The following AGAP1 variants were observed in gnomAD, a reference collection of about 807,000 sequenced individuals.
The protein encoded by AGAP1 is arf-GAP with GTPase, ANK repeat and PH domain-containing protein 1.
AGAP1 carries 29 observed loss-of-function variants against 105.3 expected under a neutral mutation model. That is an observed-to-expected ratio of 0.28 (90% confidence interval 0.21 to 0.38). The LOEUF (loss-of-function observed/expected upper bound fraction) is 0.38, where lower values mean the gene tolerates loss of function less well. AGAP1 is among the 10% of genes least tolerant of loss of function. The probability of loss-of-function intolerance (pLI) is 1.00; values close to 1 mark genes in which losing one functional copy is unlikely to be tolerated. For missense variants in AGAP1, 998 were observed against 1,165.1 expected (o/e 0.86, Z 2.09); for synonymous variants, 509 against 485.9 (o/e 1.05, Z -0.63).
At position 236,125,217 on chromosome 2, in the gene AGAP1, G is replaced by C. The variant is rs1317659360; in HGVS notation, c.*1095G>C. 2 of 156,112 alleles carry C rather than the reference G, an allele frequency of 1.3e-5. No homozygotes were observed. Among genetic ancestry groups the C allele is most frequent in the African/African-American group, 2.4e-5 (1 of 41,436 alleles). The allele number at this position is 156,112 out of a possible 1,614,324, so 9.7% of individuals were successfully genotyped here. A position where few individuals can be genotyped will look rare whatever the true frequency, so the allele number is the denominator to read the frequency against. On this transcript the variant is annotated 3_prime_UTR_variant, in exon 18 of 18. Transcript: ENST00000304032. The surrounding 1 kb of genome is among the most constrained non-coding windows in gnomAD (Gnocchi z 5.2). Reference sequence around the variant, plus strand: ...TGTGTTATGTATTTAGATAAGATGTGTGAAAATATATTTGAATAAAAGAAG... The same window carrying C: ...TGTGTTATGTATTTAGATAAGATGTCTGAAAATATATTTGAATAAAAGAAG...
rs2055669058 is a variant in AGAP1 at position 235,993,674 on chromosome 2, C to A, written c.1645+25051C>A. On this transcript the variant is annotated intron_variant, in intron 13 of 17. Transcript: ENST00000304032. The surrounding 1 kb of genome is among the most constrained non-coding windows in gnomAD (Gnocchi z 5.0). ...CTGTTGGAGTTTTTGCTGCCCAATA[C>A]CAAATTAAGGGCTCTGAGGAACGCT... is the stretch of plus-strand genomic sequence containing the variant. Among the ~76,000 whole-genome samples, 1 of 152,132 alleles carries A rather than the reference C, an allele frequency of 6.6e-6. No individual in the cohort carries two copies. Among genetic ancestry groups the A allele is most frequent in the Non-Finnish European group, 1.5e-5 (1 of 68,022 alleles).
intron 16 of AGAP1, among the ~76,000 whole-genome samples, chr2:236,106,445 G>A (rs188311145): frequency 5.3e-5 from 8 of 152,366 alleles, no homozygotes; most frequent in East Asian, 3.9e-4. Context: ...TGTGCCACCC[G>A]GGCTGTCGTG....
intron 9 of AGAP1, among the ~76,000 whole-genome samples, chr2:235,876,860 T>G (rs1469371914): frequency 6.6e-6 from 1 of 151,514 alleles, no homozygotes; most frequent in Non-Finnish European, 1.5e-5. Context: ...TTTTTTTTTT[T>G]TTTTGAGACA....
At position 235,691,844 on chromosome 2, in the gene AGAP1, G is replaced by A. The variant is rs1190642888; in HGVS notation, c.164-17335G>A. Among the ~76,000 whole-genome samples, 1 of 152,180 alleles carries A rather than the reference G, an allele frequency of 6.6e-6. No homozygotes were observed. The highest frequency in any genetic ancestry group is 2.4e-5 in the African/African-American group (1 of 41,442). On this transcript the variant is annotated intron_variant, in intron 1 of 17. Transcript: ENST00000304032. The surrounding 1 kb of genome is among the most constrained non-coding windows in gnomAD (Gnocchi z 4.4). ...AAGTACTGGATAGGGATGAGCTTGGGGACAATGGCCAGTGACATCCAGGAG... is the reference window on the plus strand; with the variant it reads ...AAGTACTGGATAGGGATGAGCTTGGAGACAATGGCCAGTGACATCCAGGAG...
At chr2:235,618,297 GT>G (rs1404432501) in intron 1 of AGAP1, among the ~76,000 whole-genome samples, 1 of 152,122 alleles carries the variant, frequency 6.6e-6, no homozygotes, top group Non-Finnish European at 1.5e-5. Context: ...ATTCCAGTAG[GT>G]TTTTGTAGGT....
intron 1 of AGAP1, among the ~76,000 whole-genome samples, chr2:235,680,074 T>G (rs573943608): frequency 2.0e-5 from 3 of 152,378 alleles, no homozygotes. Context: ...AGATAGTGGT[T>G]GAGCTAGCAA....
rs1039671731 is a variant in AGAP1 at position 235,620,148 on chromosome 2, A to T, written c.164-89031A>T. Among the ~76,000 whole-genome samples the T allele has an allele frequency of 2.0e-5, 3 of 152,156 alleles. No homozygotes were observed. On this transcript the variant is annotated intron_variant, in intron 1 of 17. Transcript: ENST00000304032. This position sits in a 1 kb window ranked among gnomAD's most constrained non-coding sequence, Gnocchi z 4.5. Reference sequence around the variant, plus strand: ...GTCATTCTTCTCCTGCCGGGCATGGATGCTGACAATAGAACTACTTTCCAG... The same window carrying T: ...GTCATTCTTCTCCTGCCGGGCATGGTTGCTGACAATAGAACTACTTTCCAG...
rs946636406 is a variant in AGAP1 at position 235,559,694 on chromosome 2, C to T, written c.163+64845C>T. ...TTTTGGTGGGTATGATGTGGTATCT[C>T]AACTGTGGTTTTGATTTGCATTTCC... On this transcript the variant is annotated intron_variant, in intron 1 of 17. Coordinates refer to ENST00000304032, the MANE Select transcript of AGAP1 (RefSeq NM_001037131.3). This position sits in a 1 kb window ranked among gnomAD's most constrained non-coding sequence, Gnocchi z 5.7. Among the ~76,000 whole-genome samples, 5 of 151,672 alleles carry T rather than the reference C, an allele frequency of 3.3e-5. No homozygotes were observed. Among genetic ancestry groups the T allele is most frequent in the African/African-American group, 1.2e-4 (5 of 41,296 alleles).
At chr2:236,006,934 T>C (rs1317713420) in intron 13 of AGAP1, among the ~76,000 whole-genome samples, 2 of 152,206 alleles carry the variant, frequency 1.3e-5, no homozygotes, top group African/African-American at 4.8e-5. Context: ...TTTTATTCCG[T>C]TGTTGTGTTA....
Position 235,905,600 on chromosome 2 carries a change from A to G in AGAP1, c.1156-3138A>G, listed in dbSNP as rs1349710090. The stretch of plus-strand genomic sequence containing the variant: ...CTGCAATCTCTGTCTCCCAGGTTCA[A>G]GCGATTCTCCTGCCTTAGCCTCCCA... On this transcript the variant is annotated intron_variant, in intron 10 of 17. Coordinates refer to ENST00000304032, the MANE Select transcript of AGAP1 (RefSeq NM_001037131.3). This position sits in a 1 kb window ranked among gnomAD's most constrained non-coding sequence, Gnocchi z 4.2. 2.6e-5 allele frequency among the ~76,000 whole-genome samples: 4 copies of G among 152,102 alleles called. No individual in the cohort carries two copies. Among genetic ancestry groups the G allele is most frequent in the African/African-American group, 9.7e-5 (4 of 41,412 alleles).
At chr2:235,506,994 C>T (rs1049657095) in intron 1 of AGAP1, 1 of 153,118 alleles carries the variant, frequency 6.5e-6, no homozygotes, top group Non-Finnish European at 1.5e-5. Flanking sequence ...CTTGCTGAGT[C>T]TTTCTCCCTG....
At chr2:235,749,051 T>C (rs1953204335) in intron 5 of AGAP1, among the ~76,000 whole-genome samples, 1 of 151,880 alleles carries the variant, frequency 6.6e-6, no homozygotes, top group Admixed American at 6.6e-5. Flanking sequence ...CGACTAAAAA[T>C]ACAAAAAATT....
At chr2:236,024,026 T>TG (rs1471888652) in intron 13 of AGAP1, among the ~76,000 whole-genome samples, 3 of 106,058 alleles carry the variant, frequency 2.8e-5, no homozygotes, top group African/African-American at 1.8e-4. Context: ...TGGTTGTTTT[T>TG]TTTTTTTGTT....
chr2:235,919,192 C>A lies in AGAP1; in HGVS notation c.1324+10286C>A, dbSNP rs946031136. On this transcript the variant is annotated intron_variant, in intron 11 of 17. Coordinates refer to ENST00000304032, the MANE Select transcript of AGAP1 (RefSeq NM_001037131.3). The surrounding 1 kb of genome is among the most constrained non-coding windows in gnomAD (Gnocchi z 4.1). ...CTCCACCAGGGAGCCAGCTGCCAGC[C>A]CCGGGGGCCAGTGAGAACCGAGGCC... Among the ~76,000 whole-genome samples, 1 of 152,088 alleles carries A rather than the reference C, an allele frequency of 6.6e-6. No individual in the cohort carries two copies. The highest frequency in any genetic ancestry group is 2.4e-5 in the African/African-American group (1 of 41,416).
chr2:235,966,560 A>G lies in AGAP1; in HGVS notation c.1484-1902A>G, dbSNP rs1005500765. On this transcript the variant is annotated intron_variant, in intron 12 of 17. Coordinates refer to ENST00000304032, the MANE Select transcript of AGAP1 (RefSeq NM_001037131.3). Reference sequence around the variant, plus strand: ...CTGCCTGGTAGAGGGAAAGTTGCTGAGACACCGAATTGCCACATTTCTCGC... The same window carrying G: ...CTGCCTGGTAGAGGGAAAGTTGCTGGGACACCGAATTGCCACATTTCTCGC... Among the ~76,000 whole-genome samples the G allele has an allele frequency of 2.0e-5, 3 of 152,154 alleles. No homozygotes were observed. The East Asian group carries it at 5.8e-4, about 29-fold the overall frequency.
intron 16 of AGAP1, among the ~76,000 whole-genome samples, chr2:236,118,022 G>A (rs1167418324): frequency 1.3e-5 from 2 of 152,112 alleles, no homozygotes; most frequent in African/African-American, 4.8e-5. Context: ...CATGTACCAG[G>A]AAGTGAAGCA....
Position 236,121,004 on chromosome 2 carries a change from C to T in AGAP1, c.2370+557C>T, listed in dbSNP as rs1248916692. On this transcript the variant is annotated intron_variant, in intron 17 of 17. Transcript: ENST00000304032. This position sits in a 1 kb window ranked among gnomAD's most constrained non-coding sequence, Gnocchi z 4.9. ...TGCAGAGAGGCCCTGCCTGTGCCAC[C>T]CAGGAGCTACGTCTGAGAAGCCACG... Among the ~76,000 whole-genome samples, 1 of 152,194 alleles carries T rather than the reference C, an allele frequency of 6.6e-6. No homozygotes were observed. Among genetic ancestry groups the T allele is most frequent in the Non-Finnish European group, 1.5e-5 (1 of 68,040 alleles).
rs1237853163 is a variant in AGAP1, at chr2:236,113,390, C to T, written c.2115-6802C>T. Among the ~76,000 whole-genome samples the T allele has an allele frequency of 6.6e-6, 1 of 152,050 alleles. No homozygotes were observed. Among genetic ancestry groups the T allele is most frequent in the Non-Finnish European group, 1.5e-5 (1 of 68,012 alleles). ...TCCTGACCTCGTGATCCACCCACTT[C>T]GGCCTCCCAAAGTGCTGGGATTACA... On this transcript the variant is annotated intron_variant, in intron 16 of 17. Transcript: ENST00000304032. This position sits in a 1 kb window ranked among gnomAD's most constrained non-coding sequence, Gnocchi z 4.3.
chr2:236,108,623 G>A (rs2125928448), intron 16 of AGAP1, among the ~76,000 whole-genome samples: 1 of 152,278 alleles, frequency 6.6e-6, no homozygotes, highest in Non-Finnish European at 1.5e-5. Flanking sequence ...GGAAGAGAGA[G>A]GGGGTTCCAA....
Sources: gnomAD v4.1 joint callset for allele counts (sites outside exome capture counted in the v4.1 genomes callset) on GRCh38, gnomAD v4.1.1 for gene constraint, Gnocchi (gnomAD v3.1) non-coding constraint, MANE v1.5 for transcripts, NCBI Gene and HGNC (gene_info 2026-07-23, HGNC 2026-07-21) for gene names.